RIT2: variants seen among roughly 807,000 people sequenced by gnomAD.
RIT2 encodes GTP-binding protein Rit2.
A neutral mutation model predicts 23.7 loss-of-function variants in RIT2; 24 were observed. The ratio of observed to expected loss-of-function variants is 1.01; its 90% confidence interval spans 0.73 to 1.43. The LOEUF is 1.43. Among genes scored for constraint, RIT2 ranks in the 40% most tolerant of loss-of-function variants. The probability of loss-of-function intolerance (pLI) is 0.00; values close to 1 mark genes in which losing one functional copy is unlikely to be tolerated. For missense variants in RIT2, 236 were observed against 266.9 expected (o/e 0.88, Z 0.81); for synonymous variants, 107 against 91.1 (o/e 1.17, Z -0.99).
chr18:43,012,131 G>C (rs1280160056), intron 2 of RIT2, among the ~76,000 whole-genome samples: 3 of 151,746 alleles, frequency 2.0e-5, no homozygotes, highest in Non-Finnish European at 4.4e-5. Context: ...TACAATTCAA[G>C]TTTCTTTAGT....
intron 4 of RIT2, among the ~76,000 whole-genome samples, chr18:42,829,808 C>T (rs2144006439): frequency 6.6e-6 from 1 of 151,728 alleles, no homozygotes; most frequent in African/African-American, 2.4e-5. Context: ...CAAAAGCAAA[C>T]AAAACATCAT....
chr18:43,094,262 A>G (rs1913498021), intron 1 of RIT2, among the ~76,000 whole-genome samples: 1 of 151,864 alleles, frequency 6.6e-6, no homozygotes, highest in South Asian at 2.1e-4. Context: ...TAATAGAAGT[A>G]GCATTGTAGA....
chr18:42,838,532 G>A (rs1003280443), intron 4 of RIT2, among the ~76,000 whole-genome samples: 1 of 148,330 alleles, frequency 6.7e-6, no homozygotes, highest in African/African-American at 2.5e-5. Context: ...CAATTAAGGG[G>A]CATGAGGCTT....
At chr18:42,933,227 G>C (rs1909370376) in intron 3 of RIT2, among the ~76,000 whole-genome samples, 1 of 151,986 alleles carries the variant, frequency 6.6e-6, no homozygotes, top group Non-Finnish European at 1.5e-5. Context: ...AATAGTAAAG[G>C]AGTTTGTGAA....
chr18:43,050,041 G>A (rs1405444633), intron 1 of RIT2, among the ~76,000 whole-genome samples: 1 of 78,416 alleles, frequency 1.3e-5, no homozygotes, highest in East Asian at 5.1e-4. Context: ...TTATTTGTTT[G>A]TCTGAGACAG....
chr18:42,780,820 C>CG (rs1913794231), intron 4 of RIT2, among the ~76,000 whole-genome samples: 1 of 131,248 alleles, frequency 7.6e-6, no homozygotes. Flanking sequence ...GCTTTTCAGG[C>CG]TTTTTTTTTT....
intron 4 of RIT2, among the ~76,000 whole-genome samples, chr18:42,899,347 C>T (rs966544727): frequency 6.6e-6 from 1 of 150,872 alleles, no homozygotes; most frequent in Non-Finnish European, 1.5e-5. Flanking sequence ...GAGTGCTTTC[C>T]TTGGTGAAAG....
At chr18:42,982,982 T>G (rs1018313944) in intron 2 of RIT2, among the ~76,000 whole-genome samples, 1 of 152,038 alleles carries the variant, frequency 6.6e-6, no homozygotes, top group Non-Finnish European at 1.5e-5. Flanking sequence ...CTATTTAAAA[T>G]ATTTTGGGAA....
At chr18:42,830,187 T>C (rs1472527366) in intron 4 of RIT2, among the ~76,000 whole-genome samples, 1 of 152,178 alleles carries the variant, frequency 6.6e-6, no homozygotes, top group Non-Finnish European at 1.5e-5. Context: ...CTATCACTTC[T>C]TTCAAGGTCA....
At chr18:43,098,688 A>T (rs933411355) in intron 1 of RIT2, among the ~76,000 whole-genome samples, 1 of 152,010 alleles carries the variant, frequency 6.6e-6, no homozygotes, top group Non-Finnish European at 1.5e-5. Flanking sequence ...GATTTTATTT[A>T]TAAGAATTCA....
At chr18:42,743,794 G>C in intron 4 of RIT2, 74 bp from the exon 5 acceptor site, 1 of 1,186,958 alleles carries the variant, frequency 8.4e-7, no homozygotes. Context: ...TTCTCTACTA[G>C]AGCTGTGTGT....
chr18:43,040,083 T>C (rs1243977374), intron 1 of RIT2, among the ~76,000 whole-genome samples: 1 of 152,196 alleles, frequency 6.6e-6, no homozygotes, highest in African/African-American at 2.4e-5. Context: ...AGAAAAATCA[T>C]GCTGTCCGTT....
chr18:42,824,597 T>G (rs1164330670), intron 4 of RIT2, among the ~76,000 whole-genome samples: 1 of 152,026 alleles, frequency 6.6e-6, no homozygotes, highest in Admixed American at 6.6e-5. Context: ...GACCTAATAA[T>G]GCATGGTTAT....
At chr18:42,896,382 G>A (rs940129380) in intron 4 of RIT2, among the ~76,000 whole-genome samples, 4 of 152,292 alleles carry the variant, frequency 2.6e-5, no homozygotes, top group African/African-American at 9.6e-5. Context: ...GCCTTCTCTT[G>A]TACAGCATGT....
At chr18:42,907,979 T>A (rs1273528315) in intron 4 of RIT2, among the ~76,000 whole-genome samples, 4 of 150,292 alleles carry the variant, frequency 2.7e-5, no homozygotes, top group South Asian at 2.1e-4. Context: ...AAAAAAAAAA[T>A]TAAGGCAACC....
At chr18:42,785,393 T>A (rs1395090738) in intron 4 of RIT2, among the ~76,000 whole-genome samples, 2 of 152,018 alleles carry the variant, frequency 1.3e-5, no homozygotes, top group African/African-American at 4.8e-5. Flanking sequence ...GTACATGGAG[T>A]TGAGAGATTA....
chr18:42,892,164 G>T lies in RIT2; in HGVS notation c.426+31408C>A, dbSNP rs192316801. ...TTCATGCTCGCCTCCTCCAATCTACGTTATAATCTTTTGCTTCTGAACTCT... is the reference window on the plus strand; with the variant it reads ...TTCATGCTCGCCTCCTCCAATCTACTTTATAATCTTTTGCTTCTGAACTCT... On this transcript the variant is annotated intron_variant, in intron 4 of 4. Coordinates refer to ENST00000326695, the MANE Select transcript of RIT2 (RefSeq NM_002930.4). Among the ~76,000 whole-genome samples the T allele has an allele frequency of 7.9e-5, 12 of 152,190 alleles. No homozygotes were observed. In the Middle Eastern group the frequency reaches 0.01, roughly 129 times the overall value.
At chr18:42,984,479 T>C (rs1910664826) in intron 2 of RIT2, among the ~76,000 whole-genome samples, 1 of 152,110 alleles carries the variant, frequency 6.6e-6, no homozygotes, top group African/African-American at 2.4e-5. Context: ...GTGTTTTGAC[T>C]ATCAATATCA....
At chr18:42,995,952 T>C (rs1475627672) in intron 2 of RIT2, among the ~76,000 whole-genome samples, 3 of 152,170 alleles carry the variant, frequency 2.0e-5, no homozygotes, top group Admixed American at 6.6e-5. Flanking sequence ...ATAGCTGATA[T>C]CTCCTGGTGC....
Sources: gnomAD v4.1 joint callset for allele counts (sites outside exome capture counted in the v4.1 genomes callset) on GRCh38, gnomAD v4.1.1 for gene constraint, MANE v1.5 for transcripts, NCBI Gene and HGNC (gene_info 2026-07-23, HGNC 2026-07-21) for gene names.